The following CHIC1 variants were observed in gnomAD, a reference collection of about 807,000 sequenced individuals.
CHIC1 encodes cysteine rich hydrophobic domain 1.
In CHIC1, 7 loss-of-function variants were observed where a neutral mutation model predicts 18.5. The ratio of observed to expected loss-of-function variants is 0.38; its 90% CI spans 0.22 to 0.71. The LOEUF (loss-of-function observed/expected upper bound fraction) is 0.71, where lower values mean the gene tolerates loss of function less well. Among genes scored for constraint, CHIC1 ranks in the 30% least tolerant of loss-of-function variants. The pLI is 0.49. For synonymous variants in CHIC1, 77 were observed against 73.5 expected (o/e 1.05, Z -0.25); for missense variants, 159 against 176.9 (o/e 0.90, Z 0.57).
At chrX:73,645,881 A>T (rs1332319075) in intron 3 of CHIC1, among the ~76,000 whole-genome samples, 3 of 111,573 alleles carry the variant, frequency 2.7e-5, no homozygotes, top group African/African-American at 6.5e-5. Context: ...TTCCTTTGCA[A>T]AGCAAAGGAA....
intron 1 of CHIC1, among the ~76,000 whole-genome samples, chrX:73,577,092 A>G (rs1228721129): frequency 9.0e-6 from 1 of 110,612 alleles, no homozygotes; most frequent in Non-Finnish European, 1.9e-5. Context: ...TTTAACGGAA[A>G]CATCTCAGTT....
At chrX:73,591,596 T>C (rs183086898) in intron 3 of CHIC1, among the ~76,000 whole-genome samples, 28 of 111,810 alleles carry the variant, frequency 2.5e-4, no homozygotes, top group African/African-American at 8.7e-4. Context: ...ATTAATGTTT[T>C]CTTTTATGCA....
At chrX:73,667,401 G>A (rs2058009387) in intron 3 of CHIC1, among the ~76,000 whole-genome samples, 2 of 111,332 alleles carry the variant, frequency 1.8e-5, no homozygotes, top group South Asian at 7.6e-4. Flanking sequence ...CATGATGTTA[G>A]CTGATTATTT....
intron 3 of CHIC1, among the ~76,000 whole-genome samples, chrX:73,667,686 C>T (rs1423351556): frequency 9.0e-6 from 1 of 111,485 alleles, no homozygotes; most frequent in Non-Finnish European, 1.9e-5. Context: ...CCCCTGATTT[C>T]TTCTGGCTTG....
intron 3 of CHIC1, among the ~76,000 whole-genome samples, chrX:73,674,087 C>G (rs1370377827): frequency 1.8e-5 from 2 of 111,814 alleles, no homozygotes; most frequent in African/African-American, 6.5e-5. Flanking sequence ...CCTTGCATCC[C>G]AGGGAAGAAG....
chrX:73,612,204 G>A (rs1205470345), intron 3 of CHIC1, among the ~76,000 whole-genome samples: 1 of 111,749 alleles, frequency 8.9e-6, no homozygotes, highest in East Asian at 2.8e-4. Context: ...TGTATAAGTT[G>A]TATGGAAGGG....
chrX:73,640,439 T>C (rs1452698879), intron 3 of CHIC1, among the ~76,000 whole-genome samples: 1 of 111,794 alleles, frequency 8.9e-6, no homozygotes, highest in African/African-American at 3.3e-5. Context: ...TGCTAGTATT[T>C]TGTTGAGGAT....
rs2058108074 is a variant in CHIC1, at chrX:73,683,509, GC to G, written c.*2506del. 1 of 111,338 alleles carries G rather than the reference GC, an allele frequency of 9.0e-6. No individual in the cohort carries two copies. Among genetic ancestry groups the G allele is most frequent in the Admixed American group, 9.6e-5 (1 of 10,441 alleles). The allele number at this position is 111,338 out of a possible 1,213,427, so 9.2% of individuals were successfully genotyped here. On this transcript the variant is annotated 3_prime_UTR_variant, in exon 6 of 6. Transcript: ENST00000373502. The stretch of plus-strand genomic sequence containing the variant: ...TGGTGATTAATTCCTCCCCCATGGA[GC>G]CTTTTTTCTGTTATGCTTAGGATAG...
intron 1 of CHIC1, among the ~76,000 whole-genome samples, chrX:73,567,628 A>G (rs746224426): frequency 9.0e-6 from 1 of 111,106 alleles, no homozygotes; most frequent in South Asian, 3.8e-4. Flanking sequence ...CAAAAAGTAC[A>G]TATCTAATCA....
At chrX:73,644,205 G>A (rs1027730039) in intron 3 of CHIC1, among the ~76,000 whole-genome samples, 10 of 112,027 alleles carry the variant, frequency 8.9e-5, no homozygotes, top group African/African-American at 3.2e-4. Flanking sequence ...AGCGGATATT[G>A]GTGATCTGCA....
intron 3 of CHIC1, among the ~76,000 whole-genome samples, chrX:73,632,228 A>G (rs1281520983): frequency 8.9e-6 from 1 of 112,033 alleles, no homozygotes; most frequent in Non-Finnish European, 1.9e-5. Flanking sequence ...TTTATTATAT[A>G]GTGTCCATTG....
At chrX:73,629,162 A>G (rs977223734) in intron 3 of CHIC1, among the ~76,000 whole-genome samples, 2 of 108,672 alleles carry the variant, frequency 1.8e-5, no homozygotes, top group African/African-American at 6.7e-5. Flanking sequence ...TTTTTTTTCT[A>G]TTCAGTTATT....
intron 3 of CHIC1, among the ~76,000 whole-genome samples, chrX:73,649,839 A>G (rs948907781): frequency 8.9e-6 from 1 of 112,250 alleles, no homozygotes; most frequent in Non-Finnish European, 1.9e-5. Flanking sequence ...ACCAAGCAGA[A>G]CTAATAGACA....
intron 3 of CHIC1, among the ~76,000 whole-genome samples, chrX:73,618,403 G>A (rs992214356): frequency 7.2e-5 from 8 of 111,208 alleles, no homozygotes; most frequent in Non-Finnish European, 1.5e-4. Flanking sequence ...ATGAGGGTAC[G>A]GTTGAGTGTG....
At position 73,563,417 on chromosome X, in the gene CHIC1, G is replaced by A. The variant is rs763197820; in HGVS notation, c.133G>A (p.Glu45Lys). The change falls in exon 1 of 6, where the codon GAG (glutamate) becomes AAG (lysine). Residue 45 changes from glutamate to lysine, a missense_variant. Transcript: ENST00000373502. ...SSSVSGPDDD[E>K]EDEEEEEEEE... ...GTCGGTATCTGGGCCCGACGATGACGAGGAGGATGAGGAGGAAGAGGAGGA... is the reference window on the plus strand; with the variant it reads ...GTCGGTATCTGGGCCCGACGATGACAAGGAGGATGAGGAGGAAGAGGAGGA... 82 of 1,154,635 alleles carry A rather than the reference G, an allele frequency of 7.1e-5. No homozygotes were observed. Among genetic ancestry groups the A allele is most frequent in the Non-Finnish European group, 8.3e-5 (72 of 866,857 alleles).
At chrX:73,620,315 CCCA>C (rs1423126138) in intron 3 of CHIC1, among the ~76,000 whole-genome samples, 1 of 112,013 alleles carries the variant, frequency 8.9e-6, no homozygotes, top group Non-Finnish European at 1.9e-5. Flanking sequence ...AATTTACACT[CCCA>C]CCAACAGTGT....
At chrX:73,673,348 A>G (rs2058042390) in intron 3 of CHIC1, among the ~76,000 whole-genome samples, 1 of 111,623 alleles carries the variant, frequency 9.0e-6, no homozygotes, top group South Asian at 3.8e-4. Flanking sequence ...CAGTATGGCC[A>G]TTTTCACGAT....
chrX:73,658,248 GTTTTTTTTTT>G (rs869309622), intron 3 of CHIC1, among the ~76,000 whole-genome samples: 22 of 16,715 alleles, frequency 1.3e-3, no homozygotes, highest in African/African-American at 4.6e-3. Flanking sequence ...CTGGTCCTAG[GTTTTTTTTTT>G]TTTTTTTTTT....
At chrX:73,619,794 G>A (rs2057751123) in intron 3 of CHIC1, among the ~76,000 whole-genome samples, 1 of 110,921 alleles carries the variant, frequency 9.0e-6, no homozygotes, top group Non-Finnish European at 1.9e-5. Context: ...TGCCATGGTG[G>A]TTTGCTACAC....
Sources: gnomAD v4.1 joint callset for allele counts (sites outside exome capture counted in the v4.1 genomes callset) on GRCh38, gnomAD v4.1.1 for gene constraint, MANE v1.5 for transcripts, NCBI Gene and HGNC (gene_info 2026-07-23, HGNC 2026-07-21) for gene names.